Variants in MALRD1 observed in about 807,000 individuals in gnomAD.
MALRD1 encodes the protein MAM and LDL receptor class A domain containing 1.
MALRD1 carries 247 observed loss-of-function variants against 242.1 expected under a neutral mutation model. The ratio of observed to expected loss-of-function variants is 1.02; its 90% CI spans 0.92 to 1.13. MALRD1 has a LOEUF of 1.13. Among genes scored for constraint, MALRD1 ranks in the 50% most tolerant of loss-of-function variants. The pLI is 0.00. For synonymous variants in MALRD1, 995 were observed against 866.6 expected (o/e 1.15, Z -2.60); for missense variants, 2,989 against 2,533.1 (o/e 1.18, Z -3.86).
At chr10:19,567,937 C>T (rs759843902) in intron 33 of MALRD1, among the ~76,000 whole-genome samples, 11 of 151,996 alleles carry the variant, frequency 7.2e-5, no homozygotes, top group Non-Finnish European at 1.6e-4. Context: ...TTTAGAAACC[C>T]TGAGGAAATT....
intron 36 of MALRD1, among the ~76,000 whole-genome samples, chr10:19,637,808 A>T (rs1174212203): frequency 6.6e-6 from 1 of 152,028 alleles, no homozygotes; most frequent in Non-Finnish European, 1.5e-5. Flanking sequence ...GGCACATATA[A>T]GAATTCGGTA....
At chr10:19,391,554 A>AT (rs1322229953) in intron 28 of MALRD1, among the ~76,000 whole-genome samples, 1 of 152,236 alleles carries the variant, frequency 6.6e-6, no homozygotes, top group East Asian at 1.9e-4. Flanking sequence ...CAGTATACAC[A>AT]TTCGCTCCCT....
rs546659223 is a variant in MALRD1 at position 19,228,021 on chromosome 10, C to T, written c.2991+18341C>T. Among the ~76,000 whole-genome samples the T allele has an allele frequency of 7.2e-5, 11 of 152,214 alleles. No individual in the cohort carries two copies. The East Asian group carries it at 1.4e-3, about 19-fold the overall frequency. ...TGGCTAGTGGGACTTCAAAATGGTA[C>T]AGACATTTTGGAAAGCAGTTTGGAA... On this transcript the variant is annotated intron_variant, in intron 18 of 39. Coordinates refer to ENST00000454679, the MANE Select transcript of MALRD1 (RefSeq NM_001142308.3).
intron 28 of MALRD1, among the ~76,000 whole-genome samples, chr10:19,411,527 T>C (rs1833276064): frequency 6.6e-6 from 1 of 152,226 alleles, no homozygotes; most frequent in African/African-American, 2.4e-5. Context: ...GCAAAAAAGC[T>C]ACCATGATCA....
intron 33 of MALRD1, among the ~76,000 whole-genome samples, chr10:19,584,049 A>T (rs199551408): frequency 0.56 from 82,270 of 148,012 alleles, 23,412 homozygotes; most frequent in African/African-American, 0.69. Flanking sequence ...TAGTTTTTAT[A>T]TCTGTGGGAT....
In MALRD1 at chr10:19,148,895, TGAG is replaced by T. The variant is rs567224017; in HGVS notation, c.1558+2558_1558+2560del. The stretch of plus-strand genomic sequence containing the variant: ...ATCAGTAGTGGTTTTAAATTGCAAG[TGAG>T]GAGGAGAATTTAAAAAAATGAAAAA... On this transcript the variant is annotated intron_variant, in intron 11 of 39. Transcript: ENST00000454679. 3.5e-4 allele frequency among the ~76,000 whole-genome samples: 52 copies of T among 149,042 alleles called. No homozygotes were observed. In the South Asian group the frequency reaches 9.3e-3, roughly 27 times the overall value.
chr10:19,095,366 A>G (rs1015550951), intron 4 of MALRD1, among the ~76,000 whole-genome samples: 5 of 152,220 alleles, frequency 3.3e-5, no homozygotes, highest in African/African-American at 1.2e-4. Flanking sequence ...ACAGATGGTT[A>G]AATGACACCC....
chr10:19,259,808 A>AAG (rs1190567574), intron 19 of MALRD1, among the ~76,000 whole-genome samples: 3 of 152,124 alleles, frequency 2.0e-5, no homozygotes, highest in Non-Finnish European at 4.4e-5. Flanking sequence ...TTCTTCAGGG[A>AAG]AGCCTCCTCT....
At chr10:19,231,957 G>T (rs1477136229) in intron 18 of MALRD1, among the ~76,000 whole-genome samples, 1 of 151,732 alleles carries the variant, frequency 6.6e-6, no homozygotes, top group South Asian at 2.1e-4. Context: ...ACTGTATTTT[G>T]TAACTTATCT....
chr10:19,346,061 A>C (rs1591348), intron 24 of MALRD1, among the ~76,000 whole-genome samples: 83,368 of 151,790 alleles, frequency 0.55, 23,130 homozygotes, highest in Middle Eastern at 0.59. Flanking sequence ...TTGTGATTAC[A>C]GGGGTGAAGC....
At chr10:19,338,337 C>G (rs140212798) in intron 24 of MALRD1, among the ~76,000 whole-genome samples, 2,197 of 152,146 alleles carry the variant, frequency 0.014, 23 homozygotes, top group Middle Eastern at 0.078. Flanking sequence ...TTATTCCTCT[C>G]TACCCTTAAA....
intron 32 of MALRD1, among the ~76,000 whole-genome samples, chr10:19,565,965 T>C (rs186079817): frequency 1.1e-3 from 175 of 152,270 alleles, no homozygotes; most frequent in African/African-American, 4.0e-3. Context: ...ATTTCTGAAA[T>C]TGATCTTAGA....
intron 14 of MALRD1, among the ~76,000 whole-genome samples, chr10:19,180,899 G>A (rs1170859709): frequency 1.3e-5 from 2 of 152,080 alleles, no homozygotes; most frequent in East Asian, 1.9e-4. Flanking sequence ...ATGGGCAAAG[G>A]CCCTGAATAG....
chr10:19,526,803 G>A (rs1834121070), intron 31 of MALRD1, among the ~76,000 whole-genome samples: 1 of 152,096 alleles, frequency 6.6e-6, no homozygotes, highest in Admixed American at 6.6e-5. Flanking sequence ...TCTTTACATT[G>A]TGTTTCATGA....
At chr10:19,453,184 A>T (rs937922174) in intron 29 of MALRD1, among the ~76,000 whole-genome samples, 1 of 152,192 alleles carries the variant, frequency 6.6e-6, no homozygotes, top group African/African-American at 2.4e-5. Context: ...ATTTATCATG[A>T]AGTTGTTGAT....
At chr10:19,242,454 T>A (rs1838833608) in intron 18 of MALRD1, among the ~76,000 whole-genome samples, 1 of 152,122 alleles carries the variant, frequency 6.6e-6, no homozygotes, top group Non-Finnish European at 1.5e-5. Context: ...ATGGTATAGT[T>A]TGAGTCTGTC....
chr10:19,318,319 G>T (rs1842784241), intron 21 of MALRD1, among the ~76,000 whole-genome samples: 1 of 151,140 alleles, frequency 6.6e-6, no homozygotes, highest in Admixed American at 6.6e-5. Flanking sequence ...CACAAATGCA[G>T]TTTTGTTGTT....
intron 36 of MALRD1, among the ~76,000 whole-genome samples, chr10:19,649,136 A>C (rs756993760): frequency 1.3e-5 from 2 of 152,152 alleles, no homozygotes; most frequent in Non-Finnish European, 2.9e-5. Context: ...CCAGTCTGTC[A>C]TTGATGGGCA....
chr10:19,286,231 T>C (rs1458512025), intron 21 of MALRD1, among the ~76,000 whole-genome samples: 1 of 150,022 alleles, frequency 6.7e-6, no homozygotes, highest in Non-Finnish European at 1.5e-5. Flanking sequence ...TTTTCCTAAT[T>C]GAATACCTTT....
Sources: gnomAD v4.1 joint callset for allele counts (sites outside exome capture counted in the v4.1 genomes callset) on GRCh38, gnomAD v4.1.1 for gene constraint, MANE v1.5 for transcripts, NCBI Gene and HGNC (gene_info 2026-07-23, HGNC 2026-07-21) for gene names.